Variants in USP50 observed in about 807,000 individuals in gnomAD.
USP50 encodes the protein ubiquitin carboxyl-terminal hydrolase 50.
Under a neutral mutation model 39.2 loss-of-function variants are expected in USP50, and 37 were observed. The observed-to-expected ratio is 0.94, with a 90% CI of 0.73 to 1.24. USP50 has a LOEUF of 1.24. Among genes scored for constraint, USP50 ranks in the 50% most tolerant of loss-of-function variants. USP50 has a pLI of 0.00. For missense variants in USP50, 374 were observed against 398.2 expected, an observed-to-expected ratio of 0.94 and a Z score of 0.52; for synonymous variants, 139 against 144.5, an observed-to-expected ratio of 0.96 and a Z score of 0.27.
chr15:50,521,095 A>G (rs1287494098), intron 6 of USP50, among the ~76,000 whole-genome samples: 1 of 152,166 alleles, frequency 6.6e-6, no homozygotes, highest in African/African-American at 2.4e-5. Context: ...AGGCTGGAGT[A>G]CAAAGGCGCC....
chr15:50,497,924 C>T (rs1304570069), downstream of USP50, among the ~76,000 whole-genome samples: 2 of 152,080 alleles, frequency 1.3e-5, no homozygotes, highest in Non-Finnish European at 2.9e-5. Flanking sequence ...TTCTTAGTTC[C>T]ATATATTAAT....
At chr15:50,516,195 A>C (rs2052802306) in intron 6 of USP50, among the ~76,000 whole-genome samples, 1 of 152,232 alleles carries the variant, frequency 6.6e-6, no homozygotes, top group African/African-American at 2.4e-5. Context: ...CAAATCACAA[A>C]GGAAGACAGC....
downstream of USP50, among the ~76,000 whole-genome samples, chr15:50,495,591 C>G (rs1437127364): frequency 6.6e-6 from 1 of 152,024 alleles, no homozygotes; most frequent in African/African-American, 2.4e-5. Flanking sequence ...CATGAACCAC[C>G]ACATCTGGCC....
chr15:50,507,793 A>G (rs139097983), intron 6 of USP50: 10,701 of 152,258 alleles, frequency 0.07, 611 homozygotes, highest in African/African-American at 0.15. Flanking sequence ...AGTTTAGGCC[A>G]GGCACGGTGG....
chr15:50,495,041 CTCCATGTAACCAAATG>C (rs1432394583), intron 1 of USP50, among the ~76,000 whole-genome samples: 1 of 150,342 alleles, frequency 6.7e-6, no homozygotes, highest in Non-Finnish European at 1.5e-5. Flanking sequence ...AAAAAAATTA[CTCCATGTAACCAAATG>C]ACTCATGTGA....
intron 6 of USP50, among the ~76,000 whole-genome samples, chr15:50,525,029 CTAAG>C (rs2052877466): frequency 6.6e-6 from 1 of 152,140 alleles, no homozygotes; most frequent in Admixed American, 6.5e-5. Context: ...TGGAATCAAA[CTAAG>C]TGTCTGTCAG....
At chr15:50,497,110 A>G (rs1233994254), downstream of USP50, 2 of 1,603,656 alleles carry the variant, frequency 1.2e-6, no homozygotes, top group East Asian at 2.3e-5. Context: ...ATTATTTTCC[A>G]AAGAAGAAAA....
At chr15:50,495,497 T>A (rs1326702260) in intron 1 of USP50, among the ~76,000 whole-genome samples, 1 of 149,060 alleles carries the variant, frequency 6.7e-6, no homozygotes, top group Non-Finnish European at 1.5e-5. Flanking sequence ...GGGGGGGGTC[T>A]CACTATGTTG....
At chr15:50,494,735 C>T (rs2052308948) in intron 1 of USP50, among the ~76,000 whole-genome samples, 1 of 152,158 alleles carries the variant, frequency 6.6e-6, no homozygotes, top group Non-Finnish European at 1.5e-5. Flanking sequence ...AATTACTTGG[C>T]TGGGCACAGT....
chr15:50,526,416 T>C lies in USP50; in HGVS notation c.936+3381A>G, dbSNP rs537306405. 3.9e-5 allele frequency among the ~76,000 whole-genome samples: 6 copies of C among 152,282 alleles called. No individual in the cohort carries two copies. In the South Asian group the frequency reaches 1.2e-3, roughly 32 times the overall value. The stretch of plus-strand genomic sequence containing the variant: ...AGCATGAATACTTACTCCGTTCAGA[T>C]TCCTGTGCCTGAAGTATTTCATTGT... On this transcript the variant is annotated intron_variant, in intron 6 of 6. Transcript: ENST00000532404.
At chr15:50,499,819 A>T (rs904535610), downstream of USP50, 1 of 152,140 alleles carries the variant, frequency 6.6e-6, no homozygotes, top group African/African-American at 2.4e-5. Flanking sequence ...TTGTATTATC[A>T]AATATAGGAC....
At chr15:50,506,957 C>CAAAAAAAAAAAAAAAAA (rs58329541) in intron 6 of USP50, 1 of 46,224 alleles carries the variant, frequency 2.2e-5, no homozygotes, top group Non-Finnish European at 3.5e-5. Context: ...GACTTCATCT[C>CAAAAAAAAAAAAAAAAA]AAAAAAAAAA....
intron 3 of USP50, among the ~76,000 whole-genome samples, chr15:50,543,281 G>C (rs2053044314): frequency 6.6e-6 from 1 of 150,920 alleles, no homozygotes; most frequent in African/African-American, 2.5e-5. Flanking sequence ...AAGAAAAGTA[G>C]ATTAGTGTTT....
chr15:50,518,555 A>AAAGG (rs1484707807), intron 6 of USP50, among the ~76,000 whole-genome samples: 3 of 152,100 alleles, frequency 2.0e-5, no homozygotes, highest in Admixed American at 6.6e-5. Flanking sequence ...TACCATGGGG[A>AAAGG]AAGGACACCT....
chr15:50,509,640 T>G (rs1186648967), intron 6 of USP50: 1 of 151,830 alleles, frequency 6.6e-6, no homozygotes, highest in Admixed American at 6.6e-5. Context: ...AGAGCGAGAC[T>G]GCGTCTCAAA....
intron 6 of USP50, among the ~76,000 whole-genome samples, chr15:50,514,994 TAAAAAAAA>T (rs386382963): frequency 1.3e-5 from 1 of 74,628 alleles, no homozygotes; most frequent in Admixed American, 1.7e-4. Flanking sequence ...AGACACAGTC[TAAAAAAAA>T]AAAAAAAAAA....
At chr15:50,524,568 T>C (rs2052873731) in intron 6 of USP50, among the ~76,000 whole-genome samples, 1 of 152,204 alleles carries the variant, frequency 6.6e-6, no homozygotes, top group Non-Finnish European at 1.5e-5. Context: ...CAATGAGCTA[T>C]CACTTCACAC....
chr15:50,527,043 T>G (rs2052903641), intron 6 of USP50, among the ~76,000 whole-genome samples: 1 of 152,218 alleles, frequency 6.6e-6, no homozygotes, highest in African/African-American at 2.4e-5. Context: ...CAAGGGCTCA[T>G]GCAAAGGCTG....
intron 5 of USP50, among the ~76,000 whole-genome samples, chr15:50,535,762 A>T (rs1424458773): frequency 2.0e-5 from 3 of 152,166 alleles, no homozygotes; most frequent in Non-Finnish European, 2.9e-5. Context: ...AAAAAATTTT[A>T]AAAATTAGCT....
Sources: gnomAD v4.1 joint callset for allele counts (sites outside exome capture counted in the v4.1 genomes callset) on GRCh38, gnomAD v4.1.1 for gene constraint, MANE v1.5 for transcripts, NCBI Gene and HGNC (gene_info 2026-07-23, HGNC 2026-07-21) for gene names.